The following RPL5 variants were observed in gnomAD, a reference collection of about 807,000 sequenced individuals.
The protein encoded by RPL5 is ribosomal protein L5.
Under a neutral mutation model 38.4 loss-of-function variants are expected in RPL5, and 1 was observed. That is an observed-to-expected ratio of 0.03 (90% confidence interval 0.01 to 0.12). The LOEUF is 0.12. RPL5 is among the 10% of genes least tolerant of loss of function. The pLI is 1.00. For synonymous variants in RPL5, 109 were observed against 121.2 expected (o/e 0.90, Z 0.66); for missense variants, 243 against 374.1 (o/e 0.65, Z 2.89).
chr1:92,836,291 C>T lies in RPL5; in HGVS notation c.426C>T (p.Phe142=). 1.2e-6 allele frequency: 2 copies of T among 1,614,166 alleles called. No individual in the cohort carries two copies. The highest frequency in any genetic ancestry group is 2.2e-5 in the South Asian group (2 of 91,082). The change falls in exon 5 of 8, where the codon TTC becomes TTT. Residue 142 remains phenylalanine (F), a synonymous_variant. Transcript: ENST00000370321. ...GCATTGATGGTCAGCCAGGTGCCTT[C>T]ACCTGCTATTTGGATGCAGGCCTTG... ...VESIDGQPGA[F]TCYLDAGLAR...
intron 7 of RPL5, 105 bp downstream of exon 7, chr1:92,840,744 G>A (rs373214090): frequency 5.0e-5 from 43 of 859,482 alleles, no homozygotes; most frequent in Non-Finnish European, 7.9e-5. Context: ...CTAGCTCTGC[G>A]TGATGTGGCA....
At position 92,840,571 on chromosome 1, in the gene RPL5, A is replaced by G. The variant is rs1443895141; in HGVS notation, c.726A>G (p.Lys242=). The G allele has an allele frequency of 6.2e-7, 1 of 1,613,214 alleles. No individual in the cohort carries two copies. Among genetic ancestry groups the G allele is most frequent in the East Asian group, 2.2e-5 (1 of 44,866 alleles). The stretch of plus-strand genomic sequence containing the variant: ...TTCAGATGGAGGAGATGTATAAGAA[A>G]GCTCATGCTGCTATACGAGAGAATC... ...TPDMMEEMYK[K]AHAAIRENPV... Residue 242 remains lysine (K), a synonymous_variant, in exon 7 of 8, where the codon AAA becomes AAG. Transcript: ENST00000370321.
At chr1:92,832,353 G>C in intron 1 of RPL5, 1 of 664,454 alleles carries the variant, frequency 1.5e-6, no homozygotes. Context: ...GGCGGATTGG[G>C]GAGAAGGGTG....
rs1252688079 is a variant in RPL5 at position 92,837,501 on chromosome 1, T to G, written c.573T>G (p.Asn191Lys). 6.2e-7 allele frequency: 1 copy of G among 1,612,890 alleles called. No individual in the cohort carries two copies. The highest frequency in any genetic ancestry group is 1.1e-5 in the South Asian group (1 of 91,022). ...PGYDSESKEF[N>K]AEVHRKHIMG... ...ATGATTCTGAAAGCAAGGAATTTAA[T>G]GCAGAAGTACATCGGAAGCACATCA... The change falls in exon 6 of 8, where the codon AAT becomes AAG. Residue 191 changes from asparagine (N) to lysine (K), a missense_variant. By Grantham distance (94) the Asn-to-Lys change is moderately conservative. Transcript: ENST00000370321.
At chr1:92,832,922 C>G in intron 1 of RPL5, 1 of 678,742 alleles carries the variant, frequency 1.5e-6, no homozygotes, top group Middle Eastern at 2.4e-4. Context: ...TTATTTGAGG[C>G]TAGGTTTTCG....
In RPL5 at chr1:92,837,524, T is replaced by G; in HGVS notation, c.596T>G (p.Ile199Ser). ...EFNAEVHRKH[I>S]MGQNVADYMR... ...AATGCAGAAGTACATCGGAAGCACATCATGGGCCAGAATGTTGCAGATTAC... is the reference window on the plus strand; with the variant it reads ...AATGCAGAAGTACATCGGAAGCACAGCATGGGCCAGAATGTTGCAGATTAC... Residue 199 changes from isoleucine to serine, a missense_variant, in exon 6 of 8, where the codon ATC becomes AGC. Coordinates refer to ENST00000370321, the MANE Select transcript of RPL5 (RefSeq NM_000969.5). 6.2e-7 allele frequency: 1 copy of G among 1,612,338 alleles called. No individual in the cohort carries two copies. Among genetic ancestry groups the G allele is most frequent in the South Asian group, 1.1e-5 (1 of 90,998 alleles).
chr1:92,839,563 C>G (rs1687270773), intron 6 of RPL5, among the ~76,000 whole-genome samples: 1 of 152,100 alleles, frequency 6.6e-6, no homozygotes, highest in Admixed American at 6.5e-5. Flanking sequence ...AAACAAAAGT[C>G]TAGGGATTGT....
At chr1:92,836,784 T>A (rs1571030466) in intron 5 of RPL5, 1 of 222,180 alleles carries the variant, frequency 4.5e-6, no homozygotes, top group East Asian at 1.1e-4. Context: ...TTATAAGAAG[T>A]TTGAGGAAAA....
Position 92,835,410 on chromosome 1 carries a change from T to C in RPL5, c.324+497T>C, listed in dbSNP as rs1375863113. ...GCTCACACTTATAATCCCAGCACTT[T>C]GGGAGGCCGAGGAGGGTGGATCACT... is the stretch of plus-strand genomic sequence containing the variant. On this transcript the variant is annotated intron_variant, in intron 4 of 7. Coordinates refer to ENST00000370321, the MANE Select transcript of RPL5 (RefSeq NM_000969.5). 2.1e-5 allele frequency: 4 copies of C among 189,474 alleles called. No individual in the cohort carries two copies. The East Asian group carries it at 5.3e-4, about 25-fold the overall frequency. 11.7% of individuals were successfully genotyped at this position (189,474 alleles called of 1,614,324 possible).
At chr1:92,837,763 CT>C in intron 6 of RPL5, 130 bp downstream of exon 6, 1 of 754,666 alleles carries the variant, frequency 1.3e-6, no homozygotes, top group Non-Finnish European at 2.3e-6. Context: ...TGTCAACATT[CT>C]TTTAGTAATC....
chr1:92,841,021 A>G (rs1424232308), intron 7 of RPL5, among the ~76,000 whole-genome samples: 2 of 152,270 alleles, frequency 1.3e-5, no homozygotes, highest in African/African-American at 4.8e-5. Context: ...TGTATTTAAC[A>G]TATTCACCTC....
intron 7 of RPL5, chr1:92,840,840 C>T (rs775135764): frequency 5.9e-5 from 41 of 699,398 alleles, no homozygotes; most frequent in Non-Finnish European, 9.5e-5. Context: ...TTCTTTCTAT[C>T]CTAGTACAGT....
chr1:92,833,320 G>T, intron 1 of RPL5, 69 bp from the exon 2 acceptor site: 1 of 1,260,518 alleles, frequency 7.9e-7, no homozygotes, highest in Non-Finnish European at 1.2e-6. Flanking sequence ...TTTGTTACAT[G>T]GTTAATTTAT....
rs1686928811 is a variant in RPL5 at position 92,832,110 on chromosome 1, G to T, written c.-5G>T. Reference sequence around the variant, plus strand: ...AGCAGCGGACGCCGGTCTCTGTTCCGCAGGATGGTGAGTGGATGCCTCGGT... The same window carrying T: ...AGCAGCGGACGCCGGTCTCTGTTCCTCAGGATGGTGAGTGGATGCCTCGGT... On this transcript the variant is annotated 5_prime_UTR_variant, in exon 1 of 8. Transcript: ENST00000370321. 6.2e-7 allele frequency: 1 copy of T among 1,614,120 alleles called. No homozygotes were observed. Among genetic ancestry groups the T allele is most frequent in the Non-Finnish European group, 8.5e-7 (1 of 1,179,988 alleles).
Position 92,832,094 on chromosome 1 carries a change from C to A in RPL5, c.-21C>A. 1.9e-6 allele frequency: 3 copies of A among 1,614,030 alleles called. No individual in the cohort carries two copies. Among genetic ancestry groups the A allele is most frequent in the African/African-American group, 1.3e-5 (1 of 75,066 alleles). On this transcript the variant is annotated 5_prime_UTR_variant, in exon 1 of 8. Transcript: ENST00000370321. ...CTGCAGGTCTCTGTCGAGCAGCGGA[C>A]GCCGGTCTCTGTTCCGCAGGATGGT... is the stretch of plus-strand genomic sequence containing the variant.
chr1:92,833,505 G>A, intron 2 of RPL5, 40 bp from the exon 3 acceptor site: 1 of 1,605,798 alleles, frequency 6.2e-7, no homozygotes, highest in Non-Finnish European at 8.5e-7. Context: ...CTTTGCAGAT[G>A]CAGTGGAGTA....
chr1:92,838,972 G>T (rs1687230403), intron 6 of RPL5, among the ~76,000 whole-genome samples: 2 of 151,120 alleles, frequency 1.3e-5, no homozygotes, highest in South Asian at 4.2e-4. Context: ...TTAGAGACCT[G>T]GATTACTGTG....
At chr1:92,833,179 T>G (rs899915121) in intron 1 of RPL5, 9 of 649,490 alleles carry the variant, frequency 1.4e-5, no homozygotes, top group Admixed American at 1.3e-4. Flanking sequence ...GGATTCATTT[T>G]TATTGTTTTA....
At chr1:92,832,341 A>G in intron 1 of RPL5, 1 of 692,946 alleles carries the variant, frequency 1.4e-6, no homozygotes, top group Non-Finnish European at 2.6e-6. Context: ...GTGAGCTTGG[A>G]CGGCGGATTG....
Sources: allele counts gnomAD v4.1 joint callset (sites outside exome capture counted in the v4.1 genomes callset), GRCh38; gene constraint gnomAD v4.1.1; transcripts MANE v1.5; gene names NCBI Gene and HGNC (gene_info 2026-07-23, HGNC 2026-07-21).